Variants in DEAF1 observed in about 807,000 individuals in gnomAD.
DEAF1 encodes deformed epidermal autoregulatory factor 1 homolog.
A neutral mutation model predicts 58.9 loss-of-function variants in DEAF1; 53 were observed. The ratio of observed to expected loss-of-function variants is 0.90; its 90% confidence interval spans 0.72 to 1.13. The LOEUF is 1.13. DEAF1 is among the 50% of genes most tolerant of loss of function. The pLI, the probability that DEAF1 is intolerant of heterozygous loss-of-function variation, is 0.00. For synonymous variants in DEAF1, 385 were observed against 340.4 expected (o/e 1.13, Z -1.44); for missense variants, 685 against 791.4 (o/e 0.87, Z 1.61).
At chr11:684,668 T>C (rs1216368138) in intron 6 of DEAF1, among the ~76,000 whole-genome samples, 1 of 152,178 alleles carries the variant, frequency 6.6e-6, no homozygotes, top group Non-Finnish European at 1.5e-5. Context: ...CCACAAATGT[T>C]CTTTGAGCAA....
At chr11:671,826 T>TAAAAAAAAAAAAAAAAAA (rs35325757) in intron 10 of DEAF1, among the ~76,000 whole-genome samples, 1 of 63,664 alleles carries the variant, frequency 1.6e-5, no homozygotes, top group Non-Finnish European at 2.8e-5. Flanking sequence ...CCTTACCTCT[T>TAAAAAAAAAAAAAAAAAA]AAAAAAAAAA....
At chr11:653,688 G>A (rs896193762) in intron 11 of DEAF1, among the ~76,000 whole-genome samples, 1 of 152,168 alleles carries the variant, frequency 6.6e-6, no homozygotes, top group African/African-American at 2.4e-5. Context: ...GGCTGTGCAG[G>A]GGTGTGGAGG....
chr11:674,892 C>A, intron 9 of DEAF1, 109 bp from the exon 10 acceptor site: 1 of 1,485,552 alleles, frequency 6.7e-7, no homozygotes, highest in Non-Finnish European at 9.2e-7. Flanking sequence ...CGCCTGTAAT[C>A]CCAGCACTTT....
intron 1 of DEAF1, chr11:700,862 C>T: frequency 1.4e-6 from 1 of 715,878 alleles, no homozygotes; most frequent in South Asian, 1.6e-5. Flanking sequence ...CTTACAGTGT[C>T]ATTAAGTATT....
intron 10 of DEAF1, among the ~76,000 whole-genome samples, chr11:667,725 CT>C (rs1372324477): frequency 6.6e-6 from 1 of 152,084 alleles, no homozygotes; most frequent in Non-Finnish European, 1.5e-5. Context: ...AGGAGAATCG[CT>C]TGAACCAGGG....
At chr11:667,876 C>T (rs370591447) in intron 10 of DEAF1, among the ~76,000 whole-genome samples, 15 of 152,136 alleles carry the variant, frequency 9.9e-5, no homozygotes, top group African/African-American at 3.6e-4. Flanking sequence ...CTTTGGGAGG[C>T]CCAGGCGGGT....
intron 4 of DEAF1, among the ~76,000 whole-genome samples, chr11:687,398 T>C (rs929064523): frequency 2.0e-5 from 3 of 152,264 alleles, no homozygotes; most frequent in African/African-American, 4.8e-5. Flanking sequence ...CACCCCCAGA[T>C]GGTTCCTGGG....
chr11:653,497 G>A (rs1174618818), intron 11 of DEAF1, among the ~76,000 whole-genome samples: 5 of 130,956 alleles, frequency 3.8e-5, no homozygotes, highest in African/African-American at 9.3e-5. Context: ...AGTCTCTCTC[G>A]CGTGGCTCTG....
intron 10 of DEAF1, among the ~76,000 whole-genome samples, chr11:662,485 C>T (rs944333406): frequency 2.0e-4 from 31 of 152,018 alleles, no homozygotes; most frequent in Admixed American, 1.2e-3. Context: ...GGCAGGAGGA[C>T]GCCAACATGC....
intron 10 of DEAF1, among the ~76,000 whole-genome samples, chr11:672,712 G>A (rs941205961): frequency 2.0e-5 from 3 of 151,950 alleles, no homozygotes; most frequent in Non-Finnish European, 4.4e-5. Flanking sequence ...GCCAGGTGTG[G>A]TAGCACATGC....
rs536158842 is a variant in DEAF1 at position 672,859 on chromosome 11, T to A, written c.1503+1677A>T. 3.1e-4 allele frequency among the ~76,000 whole-genome samples: 46 copies of A among 150,092 alleles called. 1 individual carries two copies. The highest frequency in any genetic ancestry group is 4.7e-4 in the Admixed American group (7 of 14,872). ...CAAGACTCCGTCTCAAAAAAAAAAA[T>A]TTTTTTTAAATAGATAAATAAATAA... On this transcript the variant is annotated intron_variant, in intron 10 of 11. Coordinates refer to ENST00000382409, the MANE Select transcript of DEAF1 (RefSeq NM_021008.4).
At chr11:697,097 T>C (rs1364051497), upstream of DEAF1, among the ~76,000 whole-genome samples, 1 of 84,464 alleles carries the variant, frequency 1.2e-5, no homozygotes, top group Non-Finnish European at 2.5e-5. Flanking sequence ...CGAAATTCTG[T>C]CTCAAAAAAA....
chr11:703,625 C>A, intron 1 of DEAF1: 1 of 1,232,730 alleles, frequency 8.1e-7, no homozygotes. Flanking sequence ...GTTTCCAAGT[C>A]GGGCTGGAGA....
At chr11:651,001 T>C (rs1382357736) in intron 11 of DEAF1, among the ~76,000 whole-genome samples, 1 of 151,964 alleles carries the variant, frequency 6.6e-6, no homozygotes, top group Non-Finnish European at 1.5e-5. Flanking sequence ...CTCGCTCTGT[T>C]GCCCAGACTA....
At chr11:661,188 CCAA>C (rs1205015533) in intron 10 of DEAF1, among the ~76,000 whole-genome samples, 1 of 152,174 alleles carries the variant, frequency 6.6e-6, no homozygotes, top group Non-Finnish European at 1.5e-5. Context: ...GGCAGCATGG[CCAA>C]CAACAAGCCG....
At chr11:684,419 GAA>G (rs537636795) in intron 6 of DEAF1, among the ~76,000 whole-genome samples, 1 of 137,836 alleles carries the variant, frequency 7.3e-6, no homozygotes, top group Admixed American at 7.3e-5. Context: ...CTTCGTCTCA[GAA>G]AAAAAAAAAG....
chr11:655,782 G>A (rs1308049725), intron 10 of DEAF1, among the ~76,000 whole-genome samples: 1 of 152,212 alleles, frequency 6.6e-6, no homozygotes, highest in Non-Finnish European at 1.5e-5. Context: ...GCATTAGGAG[G>A]AATTTTGGTG....
intron 6 of DEAF1, among the ~76,000 whole-genome samples, chr11:681,633 T>A (rs894975414): frequency 3.3e-5 from 5 of 151,974 alleles, no homozygotes; most frequent in Admixed American, 2.0e-4. Context: ...GATGGTCTCG[T>A]TCTCCTGACC....
chr11:687,208 C>T (rs1257350188), intron 4 of DEAF1, among the ~76,000 whole-genome samples: 8 of 152,244 alleles, frequency 5.3e-5, no homozygotes, highest in Admixed American at 2.0e-4. Context: ...TCTCTCCACC[C>T]GCTGTCCACA....
Sources: gnomAD v4.1 joint callset for allele counts (sites outside exome capture counted in the v4.1 genomes callset) on GRCh38, gnomAD v4.1.1 for gene constraint, MANE v1.5 for transcripts, NCBI Gene and HGNC (gene_info 2026-07-23, HGNC 2026-07-21) for gene names.